The following ARHGAP6 variants were observed in gnomAD, a reference collection of about 807,000 sequenced individuals.
The protein encoded by ARHGAP6 is Rho GTPase activating protein 6, also known as rho GTPase-activating protein 6.
A neutral mutation model predicts 55.7 loss-of-function variants in ARHGAP6; 16 were observed. The ratio of observed to expected loss-of-function variants is 0.29; its 90% CI spans 0.19 to 0.44. The LOEUF (loss-of-function observed/expected upper bound fraction) is 0.44, where lower values mean the gene tolerates loss of function less well. ARHGAP6 is among the 20% of genes least tolerant of loss of function. ARHGAP6 has a pLI of 1.00. For missense variants in ARHGAP6, 698 were observed against 808.9 expected, an observed-to-expected ratio of 0.86 and a Z score of 1.66; for synonymous variants, 382 against 360.9, an observed-to-expected ratio of 1.06 and a Z score of -0.66.
chrX:11,508,556 G>T (rs890966113), intron 1 of ARHGAP6, among the ~76,000 whole-genome samples: 1 of 110,177 alleles, frequency 9.1e-6, no homozygotes, highest in African/African-American at 3.3e-5. Flanking sequence ...CTTCTAAGCT[G>T]CATACCAGTC....
chrX:11,355,713 T>C (rs2048922485), intron 1 of ARHGAP6, among the ~76,000 whole-genome samples: 1 of 111,306 alleles, frequency 9.0e-6, no homozygotes, highest in Non-Finnish European at 1.9e-5. Context: ...TGGCCAAACA[T>C]ATGACCGTTA....
chrX:11,512,201 T>G (rs1240365687), intron 1 of ARHGAP6, among the ~76,000 whole-genome samples: 1 of 111,972 alleles, frequency 8.9e-6, no homozygotes, highest in Non-Finnish European at 1.9e-5. Flanking sequence ...ATAAGGAGAT[T>G]AGTTTTGTGT....
At chrX:11,186,043 A>G (rs2046382512) in intron 5 of ARHGAP6, among the ~76,000 whole-genome samples, 193 bp downstream of exon 5, 1 of 111,387 alleles carries the variant, frequency 9.0e-6, no homozygotes, top group Non-Finnish European at 1.9e-5. Context: ...CATCAAGTTG[A>G]TTCACCCTCT....
At chrX:11,368,099 A>G (rs145497700) in intron 1 of ARHGAP6, among the ~76,000 whole-genome samples, 2,000 of 112,664 alleles carry the variant, frequency 0.018, 24 homozygotes, top group Middle Eastern at 0.037. Flanking sequence ...TAGGCACTGG[A>G]GAAAGCATGG....
chrX:11,196,396 T>C (rs1409064106), intron 3 of ARHGAP6, among the ~76,000 whole-genome samples: 1 of 110,817 alleles, frequency 9.0e-6, no homozygotes. Context: ...TGCTTTAACC[T>C]ATCTTGGCTG....
chrX:11,329,378 G>T (rs2147631503), intron 1 of ARHGAP6, among the ~76,000 whole-genome samples: 1 of 112,124 alleles, frequency 8.9e-6, no homozygotes, highest in Non-Finnish European at 1.9e-5. Flanking sequence ...TTAGTCAGGG[G>T]CAACAGGAAA....
chrX:11,468,177 T>C (rs1267064863), intron 1 of ARHGAP6, among the ~76,000 whole-genome samples: 1 of 111,367 alleles, frequency 9.0e-6, no homozygotes, highest in East Asian at 2.8e-4. Context: ...GTGCTAGTTA[T>C]ATGACTGTTA....
At chrX:11,177,760 C>A (rs2046253635) in intron 8 of ARHGAP6, among the ~76,000 whole-genome samples, 1 of 111,886 alleles carries the variant, frequency 8.9e-6, no homozygotes, top group Non-Finnish European at 1.9e-5. Context: ...CTCCTCCCAC[C>A]CCCATCATTC....
At chrX:11,265,797 C>A in intron 1 of ARHGAP6, 1 of 927,494 alleles carries the variant, frequency 1.1e-6, no homozygotes, top group Non-Finnish European at 1.3e-6. Context: ...GTAAAAAATG[C>A]ATCCTGAAAT....
intron 1 of ARHGAP6, among the ~76,000 whole-genome samples, chrX:11,327,539 C>A (rs955274257): frequency 9.0e-6 from 1 of 111,490 alleles, no homozygotes; most frequent in Non-Finnish European, 1.9e-5. Context: ...TAAGTGAGTA[C>A]CATAATCCAG....
At chrX:11,284,628 T>C (rs1488721067) in intron 1 of ARHGAP6, among the ~76,000 whole-genome samples, 1 of 111,735 alleles carries the variant, frequency 8.9e-6, no homozygotes, top group Non-Finnish European at 1.9e-5. Context: ...TTTTCATGTG[T>C]ATCTATATTT....
At chrX:11,395,443 C>A (rs1368796867) in intron 1 of ARHGAP6, among the ~76,000 whole-genome samples, 1 of 112,411 alleles carries the variant, frequency 8.9e-6, no homozygotes, top group African/African-American at 3.2e-5. Context: ...ACAACTGGTT[C>A]TCTGGAGGAA....
chrX:11,530,904 T>C (rs1427085593), intron 1 of ARHGAP6, among the ~76,000 whole-genome samples: 2 of 111,524 alleles, frequency 1.8e-5, no homozygotes, highest in African/African-American at 6.5e-5. Flanking sequence ...CAAGCCTTAT[T>C]AGACTGTCAC....
chrX:11,198,164 A>G (rs776847602), intron 2 of ARHGAP6, among the ~76,000 whole-genome samples: 2 of 111,848 alleles, frequency 1.8e-5, no homozygotes, highest in East Asian at 5.6e-4. Context: ...TGGAAGGAAA[A>G]AGAACATCAC....
intron 1 of ARHGAP6, among the ~76,000 whole-genome samples, chrX:11,412,004 G>A (rs1443252637): frequency 2.7e-5 from 3 of 111,051 alleles, no homozygotes; most frequent in Non-Finnish European, 5.7e-5. Context: ...TGTTCCTATG[G>A]ATTTCTGGAA....
intron 1 of ARHGAP6, among the ~76,000 whole-genome samples, chrX:11,534,594 C>G (rs763718955): frequency 5.5e-5 from 6 of 109,677 alleles, no homozygotes; most frequent in Non-Finnish European, 7.6e-5. Context: ...AAATCATCCC[C>G]CTTTGAGAAC....
chrX:11,308,866 T>G (rs1285774601), intron 1 of ARHGAP6, among the ~76,000 whole-genome samples: 1 of 112,178 alleles, frequency 8.9e-6, no homozygotes, highest in African/African-American at 3.2e-5. Context: ...GCAGAAGAAA[T>G]GGTGGGTCCT....
intron 2 of ARHGAP6, among the ~76,000 whole-genome samples, chrX:11,210,155 T>C (rs765078663): frequency 1.4e-4 from 16 of 112,704 alleles, no homozygotes; most frequent in African/African-American, 5.1e-4. Context: ...GCAACATGCA[T>C]TAAGCAGAGG....
chrX:11,583,483 T>C (rs2051688483), intron 1 of ARHGAP6, among the ~76,000 whole-genome samples: 1 of 112,444 alleles, frequency 8.9e-6, no homozygotes, highest in Non-Finnish European at 1.9e-5. Flanking sequence ...TCAAATCCTA[T>C]TGCTCATGTC....
Sources: gnomAD v4.1 joint callset for allele counts (sites outside exome capture counted in the v4.1 genomes callset) on GRCh38, gnomAD v4.1.1 for gene constraint, MANE v1.5 for transcripts, NCBI Gene and HGNC (gene_info 2026-07-23, HGNC 2026-07-21) for gene names.